SAMMSON: variants seen among roughly 807,000 people sequenced by gnomAD.
The protein encoded by SAMMSON is long intergenic non-protein coding RNA 1212.
At chr3:70,070,188 A>G (rs907447807) in intron 3 of SAMMSON, 20 of 152,040 alleles carry the variant, frequency 1.3e-4, no homozygotes, top group Admixed American at 2.0e-4. Context: ...TAAAAATAAG[A>G]GAGTTATAGT....
chr3:70,062,465 A>G (rs1311663588), intron 3 of SAMMSON, among the ~76,000 whole-genome samples: 2 of 152,086 alleles, frequency 1.3e-5, no homozygotes, highest in Non-Finnish European at 2.9e-5. Flanking sequence ...CTCATTGAGG[A>G]CAGACTCTGG....
At chr3:70,003,196 C>G (rs767101063) in intron 1 of SAMMSON, among the ~76,000 whole-genome samples, 1 of 151,898 alleles carries the variant, frequency 6.6e-6, no homozygotes, top group Non-Finnish European at 1.5e-5. Flanking sequence ...TATTTTTACT[C>G]TTTTTAAAAA....
At chr3:70,413,440 A>G (rs1055430336) in intron 2 of SAMMSON, among the ~76,000 whole-genome samples, 1 of 152,178 alleles carries the variant, frequency 6.6e-6, no homozygotes. Context: ...GGAGAAGGAA[A>G]TCAGCACCCA....
chr3:70,125,827 G>C (rs2067455782), intron 4 of SAMMSON: 3 of 663,382 alleles, frequency 4.5e-6, no homozygotes, highest in Non-Finnish European at 8.1e-6. Context: ...CTGAAGATTT[G>C]CTAGTTCCAT....
At chr3:70,020,918 G>T (rs896932105) in intron 3 of SAMMSON, among the ~76,000 whole-genome samples, 1 of 152,116 alleles carries the variant, frequency 6.6e-6, no homozygotes, top group Admixed American at 6.6e-5. Flanking sequence ...AAGTTTCTTA[G>T]TGCCAGAAAG....
At chr3:70,404,255 G>T (rs968309520) in intron 2 of SAMMSON, among the ~76,000 whole-genome samples, 1 of 151,814 alleles carries the variant, frequency 6.6e-6, no homozygotes, top group African/African-American at 2.4e-5. Context: ...CTTTTTGGGG[G>T]ATTAGTTGAT....
intron 3 of SAMMSON, among the ~76,000 whole-genome samples, chr3:70,044,061 G>A (rs914497043): frequency 3.3e-5 from 5 of 151,930 alleles, no homozygotes; most frequent in Non-Finnish European, 5.9e-5. Context: ...GCAGATGCTG[G>A]GTTAAAATAA....
At chr3:70,332,915 A>T (rs2106723487) in intron 7 of SAMMSON, 1 of 152,354 alleles carries the variant, frequency 6.6e-6, no homozygotes, top group Non-Finnish European at 1.5e-5. Flanking sequence ...AGTTCTTAAC[A>T]AATGTTAGTT....
intron 4 of SAMMSON, among the ~76,000 whole-genome samples, chr3:70,124,431 C>T (rs2067447142): frequency 6.6e-6 from 1 of 152,148 alleles, no homozygotes. Flanking sequence ...TAGGGAATCA[C>T]ATATACAAAA....
intron 2 of SAMMSON, among the ~76,000 whole-genome samples, chr3:70,434,242 G>A (rs1200143688): frequency 6.6e-6 from 1 of 152,128 alleles, no homozygotes; most frequent in East Asian, 1.9e-4. Flanking sequence ...TGGCAATATT[G>A]AGACTTCTTA....
chr3:70,422,261 T>C (rs116135407), intron 2 of SAMMSON, among the ~76,000 whole-genome samples: 2,170 of 152,070 alleles, frequency 0.014, 47 homozygotes, highest in African/African-American at 0.049. Flanking sequence ...ACTCCATAAC[T>C]CCCCCACCAA....
In SAMMSON at chr3:70,387,012, G is replaced by T. The variant is rs1241165126; in HGVS notation, n.914-2562G>T. Among the ~76,000 whole-genome samples, 8 of 151,872 alleles carry T rather than the reference G, an allele frequency of 5.3e-5. No homozygotes were observed. The East Asian group carries it at 1.2e-3, about 22-fold the overall frequency. ...GTAAGTGAATTCATTAAAAGATCTA[G>T]GGAATTGAGGTATTAATTCTAAATT... On this transcript the variant is annotated intron_variant and non_coding_transcript_variant, in intron 9 of 9. Transcript: ENST00000642114.
chr3:70,416,606 A>G (rs140006451), intron 2 of SAMMSON, among the ~76,000 whole-genome samples: 1 of 152,114 alleles, frequency 6.6e-6, no homozygotes, highest in Non-Finnish European at 1.5e-5. Flanking sequence ...TTGGACAGAA[A>G]TTTTGCTGTT....
chr3:70,089,855 G>A (rs2067299245), intron 4 of SAMMSON, among the ~76,000 whole-genome samples: 1 of 152,112 alleles, frequency 6.6e-6, no homozygotes, highest in Non-Finnish European at 1.5e-5. Flanking sequence ...GAGTGTGGGA[G>A]TCTGCTTTTC....
intron 2 of SAMMSON, among the ~76,000 whole-genome samples, chr3:70,409,907 A>T (rs1043530377): frequency 6.6e-6 from 1 of 152,136 alleles, no homozygotes; most frequent in Non-Finnish European, 1.5e-5. Context: ...GGTTTGGGGT[A>T]TGACTGATCC....
chr3:70,016,680 G>A (rs535206208), intron 3 of SAMMSON, among the ~76,000 whole-genome samples: 1 of 152,250 alleles, frequency 6.6e-6, no homozygotes, highest in South Asian at 2.1e-4. Flanking sequence ...GTCCTGAATG[G>A]TATTGCTTAG....
intron 4 of SAMMSON, among the ~76,000 whole-genome samples, chr3:70,172,102 T>A (rs1700962097): frequency 6.6e-6 from 1 of 151,912 alleles, no homozygotes; most frequent in Non-Finnish European, 1.5e-5. Context: ...AGAACTACAT[T>A]TCCTATTACA....
chr3:70,164,135 T>G lies in SAMMSON; in HGVS notation n.508-84972T>G, dbSNP rs1429018126. On this transcript the variant is annotated intron_variant and non_coding_transcript_variant, in intron 4 of 9. Coordinates refer to ENST00000642114, the Ensembl canonical transcript of SAMMSON. ...CCTAGTTTTTATTATTACCAATTCATCTGTTTGTCATTTGAGGGGGAAACA... is the reference window on the plus strand; with the variant it reads ...CCTAGTTTTTATTATTACCAATTCAGCTGTTTGTCATTTGAGGGGGAAACA... 3.9e-5 allele frequency among the ~76,000 whole-genome samples: 6 copies of G among 152,208 alleles called. No homozygotes were observed. In the East Asian group the frequency reaches 1.2e-3, roughly 29 times the overall value.
At chr3:70,138,667 C>A (rs149539704) in intron 4 of SAMMSON, among the ~76,000 whole-genome samples, 7 of 152,260 alleles carry the variant, frequency 4.6e-5, no homozygotes, top group African/African-American at 1.7e-4. Flanking sequence ...ATATCAATAG[C>A]CCCCAAAGTC....
Sources: gnomAD v4.1 joint callset for allele counts (sites outside exome capture counted in the v4.1 genomes callset) on GRCh38, gnomAD v4.1.1 for gene constraint, MANE v1.5 for transcripts, NCBI Gene and HGNC (gene_info 2026-07-23, HGNC 2026-07-21) for gene names.